Variants in SLC27A6 observed in about 807,000 individuals in gnomAD.
SLC27A6 encodes the protein long-chain fatty acid transport protein 6.
A neutral mutation model predicts 63.9 loss-of-function variants in SLC27A6; 74 were observed. That is an observed-to-expected ratio of 1.16 (90% CI 0.96 to 1.40). The LOEUF (loss-of-function observed/expected upper bound fraction) is 1.40. SLC27A6 is among the 40% of genes most tolerant of loss of function. SLC27A6 has a pLI of 0.00. For synonymous variants in SLC27A6, 287 were observed against 260.8 expected (o/e 1.10, Z -0.97); for missense variants, 794 against 732.9 (o/e 1.08, Z -0.96).
In SLC27A6 at chr5:128,990,454, A is replaced by G. The variant is rs774192322; in HGVS notation, c.959A>G (p.Lys320Arg). ...GGAGAACTTTGTCGCTACCTTTGCA[A>G]ACAATCTAAGGTAGGCGTAATCATT... ...YIGELCRYLC[K>R]QSKREGEKDH... Residue 320 changes from lysine to arginine, a missense_variant, in exon 4 of 10, where the codon AAA (lysine) becomes AGA (arginine). Lys to Arg is a conservative substitution (Grantham distance 26). Transcript: ENST00000262462. The G allele has an allele frequency of 1.2e-6, 2 of 1,612,646 alleles. No individual in the cohort carries two copies. Among genetic ancestry groups the G allele is most frequent in the South Asian group, 1.1e-5 (1 of 90,616 alleles).
At chr5:128,998,715 A>G (rs1407030127) in intron 4 of SLC27A6, among the ~76,000 whole-genome samples, 1 of 152,168 alleles carries the variant, frequency 6.6e-6, no homozygotes, top group African/African-American at 2.4e-5. Context: ...TTCTTTGAGT[A>G]TTCATTTGCT....
At chr5:129,004,203 T>C (rs771772195) in intron 4 of SLC27A6, among the ~76,000 whole-genome samples, 1 of 152,210 alleles carries the variant, frequency 6.6e-6, no homozygotes, top group Non-Finnish European at 1.5e-5. Flanking sequence ...CCTCTCACAG[T>C]GTGAGTCCCT....
chr5:128,996,374 A>T (rs12173089), intron 4 of SLC27A6, among the ~76,000 whole-genome samples: 35,008 of 152,110 alleles, frequency 0.23, 5,143 homozygotes, highest in East Asian at 0.7. Context: ...GCCAGAAAAC[A>T]TCCTTATGAT....
intron 1 of SLC27A6, among the ~76,000 whole-genome samples, chr5:128,983,903 G>A (rs1750700089): frequency 6.6e-6 from 1 of 152,126 alleles, no homozygotes; most frequent in African/African-American, 2.4e-5. Context: ...CTTAGCTTCT[G>A]GTAGTTGCCA....
In SLC27A6 at chr5:128,985,163, C is replaced by A. The variant is rs577834114; in HGVS notation, c.512C>A (p.Pro171Gln). Reference protein sequence around the residue: ...DLLGTVEEILPSLSENISVWG... With the variant: ...DLLGTVEEILQSLSENISVWG... ...CTTGGAACGGTAGAAGAAATCCTTC[C>A]AAGCCTCTCAGAAAATATCAGTGTT... The change falls in exon 2 of 10, where the codon CCA becomes CAA. Residue 171 changes from proline (P) to glutamine (Q), a missense_variant. By Grantham distance (76) the Pro-to-Gln change is moderately conservative. Transcript: ENST00000262462. 2.0e-5 allele frequency: 33 copies of A among 1,613,768 alleles called. 1 individual carries two copies. The Admixed American group carries it at 4.0e-4, about 20-fold the overall frequency.
chr5:128,994,375 T>A (rs1375135835), intron 4 of SLC27A6, among the ~76,000 whole-genome samples: 1 of 152,144 alleles, frequency 6.6e-6, no homozygotes. Flanking sequence ...TTTGTTGAAC[T>A]CACACAAAAT....
At chr5:128,999,460 G>A (rs1346458668) in intron 4 of SLC27A6, among the ~76,000 whole-genome samples, 1 of 151,948 alleles carries the variant, frequency 6.6e-6, no homozygotes, top group Non-Finnish European at 1.5e-5. Context: ...GTCACTCCAT[G>A]GATAGGCTCC....
chr5:128,978,607 G>A (rs778797921), intron 1 of SLC27A6, among the ~76,000 whole-genome samples: 27 of 152,060 alleles, frequency 1.8e-4, no homozygotes, highest in Non-Finnish European at 3.2e-4. Context: ...ATTATCTGGC[G>A]TGGCCTATGA....
At chr5:129,027,922 G>A (rs914196463) in intron 7 of SLC27A6, among the ~76,000 whole-genome samples, 12 of 151,998 alleles carry the variant, frequency 7.9e-5, no homozygotes, top group African/African-American at 2.9e-4. Context: ...ATTTAAGTGG[G>A]TCAGAGTCAA....
At chr5:128,977,327 A>G (rs1380532587) in intron 1 of SLC27A6, among the ~76,000 whole-genome samples, 1 of 152,182 alleles carries the variant, frequency 6.6e-6, no homozygotes, top group Non-Finnish European at 1.5e-5. Context: ...CTGCATCAAC[A>G]TCTATTTGTG....
intron 4 of SLC27A6, among the ~76,000 whole-genome samples, chr5:128,998,364 TA>T (rs111760726): frequency 0.023 from 3,508 of 152,058 alleles, 146 homozygotes; most frequent in African/African-American, 0.08. Flanking sequence ...AATGTATTTA[TA>T]AAATTAGAGT....
chr5:129,018,333 T>G (rs1043900790), intron 5 of SLC27A6, among the ~76,000 whole-genome samples: 1 of 152,114 alleles, frequency 6.6e-6, no homozygotes, highest in Non-Finnish European at 1.5e-5. Flanking sequence ...TAATCCATGG[T>G]GATTTTTTTC....
At chr5:129,021,149 A>G (rs1020390442) in intron 5 of SLC27A6, among the ~76,000 whole-genome samples, 3 of 145,786 alleles carry the variant, frequency 2.1e-5, no homozygotes, top group African/African-American at 7.7e-5. Flanking sequence ...TGCCTCAGAG[A>G]CCCCATTTCT....
chr5:129,018,821 C>T (rs1285335856), intron 5 of SLC27A6, among the ~76,000 whole-genome samples: 4 of 152,026 alleles, frequency 2.6e-5, no homozygotes, highest in African/African-American at 4.8e-5. Context: ...TGGAAAACCT[C>T]TGATTTTCAA....
chr5:128,971,658 C>G (rs1750169085), intron 1 of SLC27A6, among the ~76,000 whole-genome samples: 2 of 151,922 alleles, frequency 1.3e-5, no homozygotes, highest in South Asian at 4.1e-4. Context: ...TAGTGTGTCT[C>G]TGCACGTGAG....
intron 4 of SLC27A6, among the ~76,000 whole-genome samples, chr5:128,998,952 A>G (rs1255656337): frequency 6.6e-6 from 1 of 152,144 alleles, no homozygotes; most frequent in Non-Finnish European, 1.5e-5. Flanking sequence ...TTTAATGACA[A>G]CTTTTCTATT....
chr5:128,999,481 T>C (rs1361078413), intron 4 of SLC27A6, among the ~76,000 whole-genome samples: 1 of 152,110 alleles, frequency 6.6e-6, no homozygotes, highest in Non-Finnish European at 1.5e-5. Flanking sequence ...TGGTTGCAAA[T>C]ACCGTCTACA....
chr5:128,966,512 C>T lies in SLC27A6; in HGVS notation c.375C>T (p.Leu125=), dbSNP rs1749905020. ...EPDFVHVWFG[L]AKLGCVVAFL... is the part of the protein sequence containing the mutation. ...ACTTCGTTCACGTGTGGTTCGGCCT[C>T]GCCAAGCTGGGCTGCGTGGTGGCCT... Residue 125 remains leucine (L), a synonymous_variant, in exon 1 of 10, where the codon CTC becomes CTT. Coordinates refer to ENST00000262462, the MANE Select transcript of SLC27A6 (RefSeq NM_001017372.3). The T allele has an allele frequency of 3.7e-6, 6 of 1,606,668 alleles. No homozygotes were observed. Among genetic ancestry groups the T allele is most frequent in the South Asian group, 3.4e-5 (3 of 89,506 alleles).
At chr5:128,969,844 T>C (rs1027560453) in intron 1 of SLC27A6, among the ~76,000 whole-genome samples, 1 of 152,186 alleles carries the variant, frequency 6.6e-6, no homozygotes, top group Non-Finnish European at 1.5e-5. Context: ...CTTGTGCCAG[T>C]TTTCAAAGGG....
Sources: allele counts gnomAD v4.1 joint callset (sites outside exome capture counted in the v4.1 genomes callset), GRCh38; gene constraint gnomAD v4.1.1; transcripts MANE v1.5; gene names NCBI Gene and HGNC (gene_info 2026-07-23, HGNC 2026-07-21).